Variants in DYNC2LI1 observed in about 807,000 individuals in gnomAD.
DYNC2LI1 encodes the protein dynein cytoplasmic 2 light intermediate chain 1, also known as cytoplasmic dynein 2 light intermediate chain 1.
Under a neutral mutation model 51.9 loss-of-function variants are expected in DYNC2LI1, and 45 were observed. The ratio of observed to expected loss-of-function variants is 0.87; its 90% CI spans 0.68 to 1.11. DYNC2LI1 has a LOEUF of 1.11. Ranked by LOEUF, DYNC2LI1 falls within the 50% of genes most tolerant of loss-of-function variation. DYNC2LI1 has a pLI of 0.00. For missense variants in DYNC2LI1, 490 were observed against 417.4 expected, an observed-to-expected ratio of 1.17 and a Z score of -1.51; for synonymous variants, 130 against 137.8, an observed-to-expected ratio of 0.94 and a Z score of 0.40.
chr2:43,796,911 T>A (rs1347236861), intron 8 of DYNC2LI1, 116 bp downstream of exon 8: 1 of 768,296 alleles, frequency 1.3e-6, no homozygotes, highest in African/African-American at 1.7e-5. Flanking sequence ...ATGGTCCCGT[T>A]GCTTTCCCAC....
chr2:43,792,743 G>T (rs1229228783), intron 5 of DYNC2LI1: 1 of 1,546,590 alleles, frequency 6.5e-7, no homozygotes. Context: ...TCATATAAAT[G>T]AAATCATTCA....
chr2:43,790,382 A>T (rs1327242574), intron 5 of DYNC2LI1, among the ~76,000 whole-genome samples: 2 of 152,336 alleles, frequency 1.3e-5, no homozygotes, highest in East Asian at 3.9e-4. Context: ...TTGTTCTTAG[A>T]GTTTAACATA....
At chr2:43,791,163 G>T (rs1040489857) in intron 5 of DYNC2LI1, among the ~76,000 whole-genome samples, 1 of 152,210 alleles carries the variant, frequency 6.6e-6, no homozygotes, top group Non-Finnish European at 1.5e-5. Context: ...CAAGGCTGCA[G>T]TAAGCTATGA....
chr2:43,814,015 C>T (rs1346397290), downstream of DYNC2LI1, among the ~76,000 whole-genome samples: 2 of 152,110 alleles, frequency 1.3e-5, no homozygotes, highest in Non-Finnish European at 2.9e-5. Flanking sequence ...TGTGCCCGGC[C>T]ACCCTGAGAT....
the DYNC2LI1 span, among the ~76,000 whole-genome samples, chr2:43,815,788 T>G: frequency 6.6e-6 from 1 of 152,124 alleles, no homozygotes; most frequent in East Asian, 1.9e-4. Context: ...AGGGCCTTGC[T>G]GTGAGTTGAG....
intron 12 of DYNC2LI1, among the ~76,000 whole-genome samples, chr2:43,806,173 C>T (rs1193635051): frequency 6.6e-6 from 1 of 152,112 alleles, no homozygotes; most frequent in East Asian, 1.9e-4. Flanking sequence ...TGAGCCAGTG[C>T]GCCTGGCCTA....
intron 4 of DYNC2LI1, among the ~76,000 whole-genome samples, chr2:43,789,393 G>T (rs926608098): frequency 3.9e-5 from 6 of 152,054 alleles, no homozygotes; most frequent in Admixed American, 3.9e-4. Context: ...TTCTGTTTAG[G>T]TATTACTAGA....
Position 43,776,847 on chromosome 2 carries a change from A to G in DYNC2LI1, c.74A>G (p.Asp25Gly). The G allele has an allele frequency of 6.2e-7, 1 of 1,605,316 alleles. No individual in the cohort carries two copies. Among genetic ancestry groups the G allele is most frequent in the Non-Finnish European group, 8.5e-7 (1 of 1,176,134 alleles). ...AGGGGAATTAATGGAAGTGAAGGTGATGGAGCTGAAATTGCAGAAAAATTT... is the reference window on the plus strand; with the variant it reads ...AGGGGAATTAATGGAAGTGAAGGTGGTGGAGCTGAAATTGCAGAAAAATTT... The part of the protein sequence containing the change: ...EKRGINGSEG[D>G]GAEIAEKFVF... Residue 25 changes from aspartate (D) to glycine (G), a missense_variant, in exon 2 of 13, where the codon GAT (aspartate) becomes GGT (glycine). Transcript: ENST00000260605.
chr2:43,813,556 C>T (rs1000953240), downstream of DYNC2LI1, among the ~76,000 whole-genome samples: 5 of 152,082 alleles, frequency 3.3e-5, no homozygotes, highest in Non-Finnish European at 2.9e-5. Context: ...AAATCATGAT[C>T]CCTTAGCACA....
intron 12 of DYNC2LI1, among the ~76,000 whole-genome samples, chr2:43,809,001 T>A (rs1452403509): frequency 1.4e-5 from 2 of 146,796 alleles, no homozygotes; most frequent in African/African-American, 2.6e-5. Flanking sequence ...ACACACACAC[T>A]TTTTTGTGAC....
Position 43,775,035 on chromosome 2 carries a change from T to G in DYNC2LI1, c.8+889T>G, listed in dbSNP as rs189812211. Among the ~76,000 whole-genome samples the G allele has an allele frequency of 2.5e-3, 298 of 119,214 alleles. 3 individuals are homozygous for G. Among genetic ancestry groups the G allele is most frequent in the Non-Finnish European group, 3.8e-3 (232 of 60,902 alleles). The allele number at this position is 119,214 out of a possible 152,430, so 78.2% of individuals were successfully genotyped here. A position where few individuals can be genotyped will look rare whatever the true frequency, so the allele number is the denominator to read the frequency against. On this transcript the variant is annotated intron_variant, in intron 1 of 12. Transcript: ENST00000260605. ...TGACCCTTTTTCTTATTCCTGGTTCTTGAATAGTATAATTACAAGCCCTCA... is the reference window on the plus strand; with the variant it reads ...TGACCCTTTTTCTTATTCCTGGTTCGTGAATAGTATAATTACAAGCCCTCA...
downstream of DYNC2LI1, among the ~76,000 whole-genome samples, chr2:43,814,315 T>C (rs902103048): frequency 2.6e-5 from 4 of 152,230 alleles, no homozygotes; most frequent in African/African-American, 9.6e-5. Context: ...GCTTATTTTC[T>C]TTCATCTTAA....
the DYNC2LI1 span, chr2:43,820,214 G>C: frequency 7.8e-7 from 1 of 1,278,446 alleles, no homozygotes; most frequent in Non-Finnish European, 1.1e-6. Context: ...GAAGTTTGCA[G>C]GGCAAGCCAC....
chr2:43,816,106 G>A, the DYNC2LI1 span, among the ~76,000 whole-genome samples: 1 of 152,086 alleles, frequency 6.6e-6, no homozygotes, highest in East Asian at 1.9e-4. Flanking sequence ...ATGCACCTAT[G>A]GTTTGATATC....
chr2:43,795,315 C>A, intron 6 of DYNC2LI1: 1 of 407,790 alleles, frequency 2.5e-6, no homozygotes, highest in Non-Finnish European at 3.3e-6. Flanking sequence ...ACCATCCTGG[C>A]CGACATGGTG....
intron 3 of DYNC2LI1, among the ~76,000 whole-genome samples, chr2:43,784,494 C>T (rs1673430348): frequency 6.6e-6 from 1 of 151,786 alleles, no homozygotes; most frequent in Admixed American, 6.6e-5. Context: ...GGCTGGAGTG[C>T]AATGGCGCCA....
At position 43,804,735 on chromosome 2, in the gene DYNC2LI1, C is replaced by A; in HGVS notation, c.896C>A (p.Pro299Gln). The change falls in exon 11 of 13, where the codon CCA (proline) becomes CAA (glutamine). Residue 299 changes from proline (P) to glutamine (Q), a missense_variant. Coordinates refer to ENST00000260605, the MANE Select transcript of DYNC2LI1 (RefSeq NM_016008.4). ...WKKVYEKLFP[P>Q]KSINTLKDIK... ...AAAGTGTATGAAAAGCTCTTTCCAC[C>A]AAAGGTACATATTTCTAATTTTTTT... 1 of 1,594,272 alleles carries A rather than the reference C, an allele frequency of 6.3e-7. No homozygotes were observed. Among genetic ancestry groups the A allele is most frequent in the Non-Finnish European group, 8.5e-7 (1 of 1,169,992 alleles).
chr2:43,804,094 T>C (rs1361915556), intron 10 of DYNC2LI1, among the ~76,000 whole-genome samples: 1 of 152,252 alleles, frequency 6.6e-6, no homozygotes, highest in Non-Finnish European at 1.5e-5. Context: ...CAATATACCC[T>C]ATTATTCAGT....
At chr2:43,800,556 A>G (rs903107359) in intron 8 of DYNC2LI1, among the ~76,000 whole-genome samples, 1 of 152,182 alleles carries the variant, frequency 6.6e-6, no homozygotes, top group Non-Finnish European at 1.5e-5. Context: ...TTTTAAAGAA[A>G]TTATTTGACA....
Sources: gnomAD v4.1 joint callset for allele counts (sites outside exome capture counted in the v4.1 genomes callset) on GRCh38, gnomAD v4.1.1 for gene constraint, MANE v1.5 for transcripts, NCBI Gene and HGNC (gene_info 2026-07-23, HGNC 2026-07-21) for gene names.